The following ZKSCAN3 variants were observed in gnomAD, a reference collection of about 807,000 sequenced individuals.
The protein encoded by ZKSCAN3 is zinc finger with KRAB and SCAN domains 3.
ZKSCAN3 carries 21 observed loss-of-function variants against 30.7 expected under a neutral mutation model. The observed-to-expected ratio is 0.68, with a 90% CI of 0.49 to 0.99. The LOEUF is 0.99. Ranked by LOEUF, ZKSCAN3 falls within the 50% of genes least tolerant of loss-of-function variation. The pLI is 0.00. For synonymous variants in ZKSCAN3, 201 were observed against 246.7 expected (o/e 0.81, Z 1.73); for missense variants, 507 against 647.1 (o/e 0.78, Z 2.35).
chr6:28,360,546 G>T (rs1765709727), intron 2 of ZKSCAN3: 1 of 985,054 alleles, frequency 1.0e-6, no homozygotes, highest in Non-Finnish European at 1.2e-6. Flanking sequence ...CACTGGTTAT[G>T]AACCTCTGGT....
intron 5 of ZKSCAN3, among the ~76,000 whole-genome samples, 173 bp downstream of exon 5, chr6:28,363,988 GAGAT>G (rs2113928474): frequency 6.6e-6 from 1 of 152,074 alleles, no homozygotes; most frequent in South Asian, 2.1e-4. Context: ...TTGTTTTTGA[GAGAT>G]AGGGTCTTGC....
At chr6:28,357,620 A>C (rs1174420636) in intron 1 of ZKSCAN3, among the ~76,000 whole-genome samples, 1 of 152,214 alleles carries the variant, frequency 6.6e-6, no homozygotes, top group Non-Finnish European at 1.5e-5. Context: ...TGGTCTTGGC[A>C]GTTGCAGCCT....
At chr6:28,354,427 T>C (rs1298173542) in intron 1 of ZKSCAN3, among the ~76,000 whole-genome samples, 2 of 152,302 alleles carry the variant, frequency 1.3e-5, no homozygotes, top group East Asian at 3.9e-4. Context: ...AGACATAGGT[T>C]TTTGGGTACA....
chr6:28,359,796 C>A lies in ZKSCAN3; in HGVS notation c.210C>A (p.Leu70=). ...AGGCGCTGAGTCGGCTCCGAGAGCT[C>A]TGCCGACAGTGGCTGCAGCCTGAGA... ...PREALSRLRE[L]CRQWLQPEMH... The change falls in exon 2 of 6, where the codon CTC becomes CTA. Residue 70 remains leucine (L), a synonymous_variant. Coordinates refer to ENST00000252211, the MANE Select transcript of ZKSCAN3 (RefSeq NM_024493.4). 4 of 1,614,214 alleles carry A rather than the reference C, an allele frequency of 2.5e-6. No homozygotes were observed. Among genetic ancestry groups the A allele is most frequent in the Non-Finnish European group, 3.4e-6 (4 of 1,180,044 alleles).
intron 2 of ZKSCAN3, among the ~76,000 whole-genome samples, chr6:28,360,932 A>C (rs1359028666): frequency 1.3e-5 from 2 of 152,232 alleles, no homozygotes; most frequent in Non-Finnish European, 1.5e-5. Context: ...TGGGTCCCCC[A>C]AACTCCATAA....
At chr6:28,350,116 G>GTGTGT (rs1342351673) in intron 1 of ZKSCAN3, 49 bp downstream of exon 1, 1 of 150,478 alleles carries the variant, frequency 6.6e-6, no homozygotes, top group Non-Finnish European at 1.5e-5. Context: ...GTGTGTTTGT[G>GTGTGT]GAGAGAGGCC....
chr6:28,354,983 C>T (rs951015030), intron 1 of ZKSCAN3, among the ~76,000 whole-genome samples: 1 of 152,230 alleles, frequency 6.6e-6, no homozygotes, highest in Admixed American at 6.5e-5. Flanking sequence ...ACTTTGTCCA[C>T]ACCTGGTATC....
intron 2 of ZKSCAN3, chr6:28,360,789 A>G: frequency 2.0e-6 from 2 of 980,174 alleles, no homozygotes; most frequent in Non-Finnish European, 2.4e-6. Context: ...AGGATGTGGG[A>G]AATTCTGAGC....
intron 3 of ZKSCAN3, among the ~76,000 whole-genome samples, chr6:28,362,431 A>G (rs570568201): frequency 2.6e-4 from 40 of 152,294 alleles, no homozygotes; most frequent in Admixed American, 3.9e-4. Flanking sequence ...AAATGGCTGT[A>G]TGTGTTCTGA....
chr6:28,363,257 G>T (rs776844739), intron 3 of ZKSCAN3, 46 bp from the exon 4 acceptor site: 1 of 1,538,240 alleles, frequency 6.5e-7, no homozygotes, highest in South Asian at 1.1e-5. Context: ...GGGCAGGGAG[G>T]CTGAATGCCA....
At chr6:28,364,889 G>C (rs1359324712) in intron 5 of ZKSCAN3, among the ~76,000 whole-genome samples, 1 of 151,882 alleles carries the variant, frequency 6.6e-6, no homozygotes, top group Non-Finnish European at 1.5e-5. Context: ...CACCATGCCC[G>C]GCTAATTTTT....
chr6:28,366,471 CAT>C lies in ZKSCAN3; in HGVS notation c.*189_*190del. The C allele has an allele frequency of 1.7e-6, 1 of 584,268 alleles. No homozygotes were observed. The highest frequency in any genetic ancestry group is 3.7e-5 in the Admixed American group (1 of 26,702). 36.2% of individuals were successfully genotyped at this position (584,268 alleles called of 1,614,324 possible). ...TTCTAGAAGGGGTTTGTAATCAAAA[CAT>C]ATTTGATAGGAGGCTACGGGAGAGT... On this transcript the variant is annotated 3_prime_UTR_variant, in exon 6 of 6. Transcript: ENST00000252211.
chr6:28,356,166 C>T (rs1397440269), intron 1 of ZKSCAN3: 1 of 152,246 alleles, frequency 6.6e-6, no homozygotes, highest in Non-Finnish European at 1.5e-5. Flanking sequence ...AAGCCTGGCA[C>T]CTGGGTCAGT....
intron 1 of ZKSCAN3, among the ~76,000 whole-genome samples, chr6:28,358,338 C>G (rs1042261067): frequency 2.0e-5 from 3 of 152,174 alleles, no homozygotes; most frequent in African/African-American, 7.2e-5. Context: ...TAGTGCGGCA[C>G]CAGGCTCAAC....
At chr6:28,353,032 G>A (rs1170496788) in intron 1 of ZKSCAN3, among the ~76,000 whole-genome samples, 8 of 149,342 alleles carry the variant, frequency 5.4e-5, no homozygotes, top group Admixed American at 6.7e-5. Flanking sequence ...GCAGTGGTGC[G>A]ATCTTGGCTC....
At position 28,365,569 on chromosome 6, in the gene ZKSCAN3, C is replaced by T. The variant is rs1313566961; in HGVS notation, c.901C>T (p.Leu301=). The change falls in exon 6 of 6, where the codon CTA becomes TTA. Residue 301 remains leucine, a synonymous_variant. Coordinates refer to ENST00000252211, the MANE Select transcript of ZKSCAN3 (RefSeq NM_024493.4). ...AGAAGCTGGTGAACAGGAGGGCAGG[C>T]TACAAAGAAAGCAGAAAAATGCCAC... ...CAEAGEQEGR[L]QRKQKNATGG... 6.2e-7 allele frequency: 1 copy of T among 1,614,218 alleles called. No individual in the cohort carries two copies. The highest frequency in any genetic ancestry group is 1.7e-5 in the Admixed American group (1 of 60,022).
At chr6:28,360,529 C>G (rs752121884) in intron 2 of ZKSCAN3, 1 of 980,028 alleles carries the variant, frequency 1.0e-6, no homozygotes, top group East Asian at 1.1e-4. Flanking sequence ...GGAAGGAGTT[C>G]ATGGACCACT....
rs1765983879 is a variant in ZKSCAN3 at position 28,366,736 on chromosome 6, T to G, written c.*451T>G. On this transcript the variant is annotated 3_prime_UTR_variant, in exon 6 of 6. Transcript: ENST00000252211. The stretch of plus-strand genomic sequence containing the variant: ...CTTTTCTGCAGGTGCTAATAAATGT[T>G]TATTGAATGTACCAGTGAGATTACC... 1 of 153,902 alleles carries G rather than the reference T, an allele frequency of 6.5e-6. No individual in the cohort carries two copies. The highest frequency in any genetic ancestry group is 2.4e-5 in the African/African-American group (1 of 41,484). 9.5% of individuals were successfully genotyped at this position (153,902 alleles called of 1,614,324 possible).
At chr6:28,360,520 G>A in intron 2 of ZKSCAN3, 1 of 958,160 alleles carries the variant, frequency 1.0e-6, no homozygotes, top group Non-Finnish European at 1.2e-6. Flanking sequence ...GACTACGTGG[G>A]AAGGAGTTCA....
Sources: allele counts gnomAD v4.1 joint callset (sites outside exome capture counted in the v4.1 genomes callset), GRCh38; gene constraint gnomAD v4.1.1; transcripts MANE v1.5; gene names NCBI Gene and HGNC (gene_info 2026-07-23, HGNC 2026-07-21).